The following CORO2B variants were observed in gnomAD, a reference collection of about 807,000 sequenced individuals.
CORO2B encodes the protein coronin 2B.
In CORO2B, 26 loss-of-function variants were observed where a neutral mutation model predicts 58.8. That is an observed-to-expected ratio of 0.44 (90% CI 0.32 to 0.61). CORO2B has a LOEUF of 0.61. Ranked by LOEUF, CORO2B falls within the 20% of genes least tolerant of loss-of-function variation. CORO2B has a pLI of 0.04. For missense variants in CORO2B, 460 were observed against 645.1 expected, an observed-to-expected ratio of 0.71 and a Z score of 3.11; for synonymous variants, 242 against 253.8, an observed-to-expected ratio of 0.95 and a Z score of 0.44.
intron 2 of CORO2B, among the ~76,000 whole-genome samples, chr15:68,669,090 A>G (rs1419294556): frequency 6.6e-6 from 1 of 151,128 alleles, no homozygotes; most frequent in Admixed American, 6.7e-5. Flanking sequence ...AGAGAGAGAA[A>G]GAAGGAAGGA....
chr15:68,711,824 A>G (rs894693791), intron 5 of CORO2B, 118 bp downstream of exon 5: 2 of 1,177,092 alleles, frequency 1.7e-6, no homozygotes, highest in Non-Finnish European at 2.4e-6. Context: ...ATCTCACTGC[A>G]CCTCTGTTGA....
intron 1 of CORO2B, among the ~76,000 whole-genome samples, chr15:68,603,375 C>T (rs543499504): frequency 1.3e-5 from 2 of 152,138 alleles, no homozygotes; most frequent in Admixed American, 6.5e-5. Flanking sequence ...AAAAAACACA[C>T]TTGCTAATCA....
the CORO2B span, among the ~76,000 whole-genome samples, chr15:68,570,714 A>G: frequency 6.6e-6 from 1 of 151,650 alleles, no homozygotes; most frequent in African/African-American, 2.4e-5. Context: ...CCCTTAGGGA[A>G]GGAAAGGGTC....
chr15:68,650,495 C>G (rs141293248), intron 2 of CORO2B, among the ~76,000 whole-genome samples: 1,650 of 152,160 alleles, frequency 0.011, 37 homozygotes, highest in African/African-American at 0.038. Context: ...GCCTGTAATC[C>G]CAGCTACTTG....
chr15:68,668,251 G>A (rs901342190), intron 2 of CORO2B, among the ~76,000 whole-genome samples: 78 of 152,004 alleles, frequency 5.1e-4, no homozygotes, highest in Non-Finnish European at 5.7e-4. Context: ...GTTCACACTT[G>A]CAACCTGCAG....
intron 2 of CORO2B, among the ~76,000 whole-genome samples, chr15:68,664,331 C>G (rs565726000): frequency 6.6e-6 from 1 of 151,960 alleles, no homozygotes; most frequent in South Asian, 2.1e-4. Flanking sequence ...GTAAGTGTGC[C>G]TGTTCATTTA....
In CORO2B at chr15:68,669,090, A is replaced by AGAAG. The variant is rs1007335679; in HGVS notation, c.216+23749_216+23752dup. Reference sequence around the variant, plus strand: ...GAGAAAGAGAGAGAGAGAGAGAGAAAGAAGGAAGGAAGGAAGGAAGGAGGG... The same window carrying AGAAG: ...GAGAAAGAGAGAGAGAGAGAGAGAAAGAAGGAAGGAAGGAAGGAAGGAAGGAGGG... On this transcript the variant is annotated intron_variant, in intron 2 of 11. Transcript: ENST00000261861. Among the ~76,000 whole-genome samples, 1,359 of 151,222 alleles carry AGAAG rather than the reference A, an allele frequency of 9.0e-3. 72 individuals are homozygous for AGAAG. The highest frequency in any genetic ancestry group is 0.08 in the Admixed American group (1,199 of 14,976).
chr15:68,640,603 T>C (rs8024951), intron 1 of CORO2B, among the ~76,000 whole-genome samples: 34,264 of 151,878 alleles, frequency 0.23, 6,195 homozygotes, highest in African/African-American at 0.5. Flanking sequence ...TAGGTTTCAC[T>C]GAATCCTAGG....
chr15:68,603,204 A>G (rs1286085715), intron 1 of CORO2B, among the ~76,000 whole-genome samples: 1 of 152,208 alleles, frequency 6.6e-6, no homozygotes, highest in Non-Finnish European at 1.5e-5. Flanking sequence ...TCCCAGGGCT[A>G]ACACAGTACG....
chr15:68,701,831 T>C (rs1416045983), intron 3 of CORO2B, among the ~76,000 whole-genome samples: 1 of 152,050 alleles, frequency 6.6e-6, no homozygotes, highest in African/African-American at 2.4e-5. Context: ...TATTGTAAAA[T>C]AGGAATCATC....
At chr15:68,695,353 C>A in intron 3 of CORO2B, 97 bp downstream of exon 3, 1 of 840,674 alleles carries the variant, frequency 1.2e-6, no homozygotes, top group Non-Finnish European at 2.0e-6. Flanking sequence ...CCACCCTTTG[C>A]CCTTCTTCCC....
chr15:68,642,161 C>T (rs576643228), intron 1 of CORO2B, among the ~76,000 whole-genome samples: 15 of 152,004 alleles, frequency 9.9e-5, no homozygotes, highest in East Asian at 7.7e-4. Context: ...TTCAGCCTCC[C>T]GACCAGCTGG....
Position 68,715,259 on chromosome 15 carries a change from C to T in CORO2B, c.915C>T (p.Pro305=), listed in dbSNP as rs1893006326. The stretch of plus-strand genomic sequence containing the variant: ...ACTACGAGATCAGCACTGAGAAGCC[C>T]TACCTGAGTTACCTCATGGAGTTCC... The part of the protein sequence containing the change: ...IRYYEISTEK[P]YLSYLMEFRS... The change falls in exon 8 of 12, where the codon CCC becomes CCT. Residue 305 remains proline (P), a synonymous_variant. Transcript: ENST00000261861. 6.2e-7 allele frequency: 1 copy of T among 1,614,114 alleles called. No individual in the cohort carries two copies. Among genetic ancestry groups the T allele is most frequent in the Non-Finnish European group, 8.5e-7 (1 of 1,180,020 alleles).
At chr15:68,657,834 T>G (rs189054042) in intron 2 of CORO2B, among the ~76,000 whole-genome samples, 207 of 152,320 alleles carry the variant, frequency 1.4e-3, no homozygotes, top group Non-Finnish European at 2.6e-3. Context: ...GTAAGTTGTC[T>G]CCTACCCAGA....
At chr15:68,603,570 G>C (rs1427070154) in intron 1 of CORO2B, among the ~76,000 whole-genome samples, 1 of 152,122 alleles carries the variant, frequency 6.6e-6, no homozygotes, top group Non-Finnish European at 1.5e-5. Flanking sequence ...TGTGTTTGGA[G>C]ACAGGGCCTT....
the CORO2B span, among the ~76,000 whole-genome samples, chr15:68,565,384 C>CAT: frequency 7.4e-3 from 1,113 of 149,810 alleles, 7 homozygotes; most frequent in Middle Eastern, 0.024. Context: ...TATTCAAGTG[C>CAT]ATATATATAT....
the CORO2B span, among the ~76,000 whole-genome samples, chr15:68,525,098 C>T: frequency 6.6e-6 from 1 of 152,190 alleles, no homozygotes; most frequent in Non-Finnish European, 1.5e-5. Flanking sequence ...AAATCTGCCA[C>T]TCTCAGACAG....
At chr15:68,627,872 A>T (rs894441741) in intron 1 of CORO2B, among the ~76,000 whole-genome samples, 2 of 151,924 alleles carry the variant, frequency 1.3e-5, no homozygotes, top group Non-Finnish European at 2.9e-5. Context: ...CCTGTATCAT[A>T]GCTAACATAA....
intron 3 of CORO2B, among the ~76,000 whole-genome samples, chr15:68,702,214 T>A (rs1419840554): frequency 6.6e-6 from 1 of 152,186 alleles, no homozygotes; most frequent in South Asian, 2.1e-4. Flanking sequence ...CAGCTCCTCC[T>A]TTCCTAGCTG....
Sources: gnomAD v4.1 joint callset for allele counts (sites outside exome capture counted in the v4.1 genomes callset) on GRCh38, gnomAD v4.1.1 for gene constraint, MANE v1.5 for transcripts, NCBI Gene and HGNC (gene_info 2026-07-23, HGNC 2026-07-21) for gene names.